RANBP17: variants seen among roughly 807,000 people sequenced by gnomAD.
RANBP17 encodes RAN binding protein 17.
A neutral mutation model predicts 141.2 loss-of-function variants in RANBP17; 158 were observed. The observed-to-expected ratio is 1.12, with a 90% CI of 0.98 to 1.28. The LOEUF is 1.28. Among genes scored for constraint, RANBP17 ranks in the 50% most tolerant of loss-of-function variants. The probability of loss-of-function intolerance (pLI) is 0.00; values close to 1 mark genes in which losing one functional copy is unlikely to be tolerated. For missense variants in RANBP17, 1,438 were observed against 1,290.7 expected (o/e 1.11, Z -1.75); for synonymous variants, 430 against 450.0 (o/e 0.96, Z 0.56).
At chr5:170,986,312 C>G (rs1778135609) in intron 14 of RANBP17, among the ~76,000 whole-genome samples, 1 of 151,996 alleles carries the variant, frequency 6.6e-6, no homozygotes, top group Admixed American at 6.6e-5. Flanking sequence ...GTGTCATGAA[C>G]TAGTGATATA....
chr5:171,171,548 G>T (rs952387381), intron 16 of RANBP17, among the ~76,000 whole-genome samples: 3 of 151,818 alleles, frequency 2.0e-5, no homozygotes, highest in African/African-American at 7.3e-5. Flanking sequence ...ACTCACCCAG[G>T]CTAATAAATG....
Position 170,877,707 on chromosome 5 carries a change from C to G in RANBP17, c.19-390C>G, listed in dbSNP as rs188811331. On this transcript the variant is annotated intron_variant, in intron 1 of 27. Coordinates refer to ENST00000523189, the MANE Select transcript of RANBP17 (RefSeq NM_022897.5). ...ACTGACCTTTAATGCTTTGAGATGA[C>G]TAAATTCCACTCTACTGAAGGACCC... Among the ~76,000 whole-genome samples the G allele has an allele frequency of 1.7e-3, 261 of 152,284 alleles. 1 individual carries two copies. Among genetic ancestry groups the G allele is most frequent in the African/African-American group, 6.1e-3 (254 of 41,550 alleles).
At chr5:171,290,273 G>A (rs1768408830) in intron 25 of RANBP17, among the ~76,000 whole-genome samples, 1 of 151,942 alleles carries the variant, frequency 6.6e-6, no homozygotes, top group South Asian at 2.1e-4. Flanking sequence ...GGAGGCTGAT[G>A]CAGGAGACTC....
intron 13 of RANBP17, among the ~76,000 whole-genome samples, chr5:170,957,213 G>A (rs997978013): frequency 9.2e-5 from 14 of 152,200 alleles, no homozygotes; most frequent in African/African-American, 3.1e-4. Context: ...AGCAGCAAAC[G>A]TATTGAACAT....
In RANBP17 at chr5:171,293,898, A is replaced by G. The variant is rs1253587684; in HGVS notation, c.2959A>G (p.Met987Val). 1.9e-6 allele frequency: 3 copies of G among 1,613,320 alleles called. No homozygotes were observed. The African/African-American group carries it at 4.0e-5, about 22-fold the overall frequency. The change falls in exon 26 of 28, where the codon ATG becomes GTG. Residue 987 changes from methionine (M) to valine (V), a missense_variant. Transcript: ENST00000523189. ...DVLQQMMSVL[M>V]NTIVFEDCRN... is the part of the protein sequence containing the mutation. ...TATCTTCTAGATGATGTCTGTCCTC[A>G]TGAACACCATTGTCTTTGAAGACTG...
At chr5:171,105,811 A>G (rs111754199) in intron 14 of RANBP17, among the ~76,000 whole-genome samples, 20 of 152,222 alleles carry the variant, frequency 1.3e-4, no homozygotes, top group Admixed American at 3.3e-4. Flanking sequence ...AGTCTGATAC[A>G]GAAACCAAGG....
At chr5:171,254,656 T>C (rs567667384) in intron 24 of RANBP17, among the ~76,000 whole-genome samples, 40 of 152,332 alleles carry the variant, frequency 2.6e-4, no homozygotes, top group African/African-American at 9.4e-4. Flanking sequence ...ATAATATATG[T>C]AAACCATTGC....
intron 25 of RANBP17, among the ~76,000 whole-genome samples, chr5:171,285,575 G>A (rs1015543014): frequency 6.6e-6 from 1 of 152,216 alleles, no homozygotes; most frequent in African/African-American, 2.4e-5. Context: ...TTCCCAAATA[G>A]TGCTGAGTGG....
chr5:170,862,265 C>G (rs1766853049), intron 1 of RANBP17, among the ~76,000 whole-genome samples: 1 of 151,670 alleles, frequency 6.6e-6, no homozygotes, highest in Admixed American at 6.6e-5. Flanking sequence ...GAGAAAGGGG[C>G]GGCCGAGCCT....
In RANBP17 at chr5:171,231,264, A is replaced by G. The variant is rs562566342; in HGVS notation, c.2422+9424A>G. Among the ~76,000 whole-genome samples, 4 of 152,126 alleles carry G rather than the reference A, an allele frequency of 2.6e-5. No individual in the cohort carries two copies. The East Asian group carries it at 7.7e-4, about 29-fold the overall frequency. ...ACGCCTGGCCAGAATTGTTATTTAA[A>G]TTAGCATACAATCTTAGTAGACATA... On this transcript the variant is annotated intron_variant, in intron 22 of 27. Coordinates refer to ENST00000523189, the MANE Select transcript of RANBP17 (RefSeq NM_022897.5).
At chr5:171,245,466 C>G (rs766344787) in intron 24 of RANBP17, among the ~76,000 whole-genome samples, 2 of 152,086 alleles carry the variant, frequency 1.3e-5, no homozygotes, top group African/African-American at 2.4e-5. Context: ...AGGCATGCAC[C>G]ACCACACCCA....
At chr5:171,065,543 C>T (rs915924402) in intron 14 of RANBP17, among the ~76,000 whole-genome samples, 22 of 152,074 alleles carry the variant, frequency 1.4e-4, no homozygotes, top group African/African-American at 7.2e-5. Context: ...TCCTAACAGG[C>T]TATGGACTGG....
intron 14 of RANBP17, among the ~76,000 whole-genome samples, chr5:171,093,723 A>C (rs1411966117): frequency 6.6e-6 from 1 of 152,210 alleles, no homozygotes; most frequent in East Asian, 1.9e-4. Flanking sequence ...TATGTATCAC[A>C]CACTTTTTCA....
chr5:170,933,471 G>T (rs540738482), intron 12 of RANBP17, among the ~76,000 whole-genome samples: 220 of 152,182 alleles, frequency 1.4e-3, no homozygotes, highest in African/African-American at 4.5e-3. Context: ...GAATGTGTTT[G>T]CTCTTCCTTC....
chr5:171,261,285 A>C (rs988919037), intron 24 of RANBP17, among the ~76,000 whole-genome samples: 2 of 152,150 alleles, frequency 1.3e-5, no homozygotes, highest in South Asian at 4.1e-4. Flanking sequence ...CATTTTACAG[A>C]GGTGCACCTG....
chr5:171,009,747 C>A (rs1779897060), intron 14 of RANBP17, among the ~76,000 whole-genome samples: 1 of 152,110 alleles, frequency 6.6e-6, no homozygotes, highest in African/African-American at 2.4e-5. Context: ...CTTTTGGTAA[C>A]TGATGGAAAC....
intron 5 of RANBP17, among the ~76,000 whole-genome samples, chr5:170,899,159 A>T (rs1429106896): frequency 6.6e-6 from 1 of 152,178 alleles, no homozygotes; most frequent in African/African-American, 2.4e-5. Context: ...TGAGCATGGA[A>T]TGTTTTTCCA....
chr5:170,952,323 C>T (rs1551154), intron 12 of RANBP17, among the ~76,000 whole-genome samples: 104,353 of 151,722 alleles, frequency 0.69, 36,060 homozygotes, highest in South Asian at 0.89. Flanking sequence ...AGTGTTCTTA[C>T]TCTCCTACTT....
rs761095958 is a variant in RANBP17, at chr5:170,911,109, G to C, written c.735G>C (p.Val245=). ...AATCTGCAGATGATCTTTGCACGGT[G>C]CAGATTCCAACAACTTGGAGAACAA... ...ADESADDLCT[V]QIPTTWRTIF... Residue 245 remains valine (V), a synonymous_variant, in exon 7 of 28, where the codon GTG becomes GTC. Transcript: ENST00000523189. 2 of 1,611,290 alleles carry C rather than the reference G, an allele frequency of 1.2e-6. No homozygotes were observed. Among genetic ancestry groups the C allele is most frequent in the Non-Finnish European group, 1.7e-6 (2 of 1,178,346 alleles).
Sources: allele counts gnomAD v4.1 joint callset (sites outside exome capture counted in the v4.1 genomes callset), GRCh38; gene constraint gnomAD v4.1.1; transcripts MANE v1.5; gene names NCBI Gene and HGNC (gene_info 2026-07-23, HGNC 2026-07-21).